Variants in ATP10B observed in about 807,000 individuals in gnomAD.
ATP10B encodes the protein phospholipid-transporting ATPase VB.
A neutral mutation model predicts 141.2 loss-of-function variants in ATP10B; 122 were observed. That is an observed-to-expected ratio of 0.86 (90% CI 0.75 to 1.00). The LOEUF (loss-of-function observed/expected upper bound fraction) is 1.00. Ranked by LOEUF, ATP10B falls within the 50% of genes least tolerant of loss-of-function variation. The pLI is 0.00. For missense variants in ATP10B, 1,876 were observed against 1,825.3 expected (o/e 1.03, Z -0.51); for synonymous variants, 685 against 692.0 (o/e 0.99, Z 0.16).
At chr5:160,842,413 C>T (rs1775863748) in intron 1 of ATP10B, among the ~76,000 whole-genome samples, 1 of 151,496 alleles carries the variant, frequency 6.6e-6, no homozygotes, top group African/African-American at 2.4e-5. Flanking sequence ...GTATATTTTA[C>T]AAGAAGATAA....
intron 7 of ATP10B, among the ~76,000 whole-genome samples, chr5:160,660,608 T>G (rs1761842076): frequency 6.6e-6 from 1 of 152,206 alleles, no homozygotes; most frequent in Non-Finnish European, 1.5e-5. Flanking sequence ...AAATTTTTCC[T>G]TATAAACCAA....
chr5:160,818,906 A>G (rs569823825), intron 1 of ATP10B, among the ~76,000 whole-genome samples: 6 of 152,174 alleles, frequency 3.9e-5, no homozygotes, highest in Non-Finnish European at 8.8e-5. Context: ...AGGACAAAAA[A>G]CCAAATACCA....
In ATP10B at chr5:160,775,526, G is replaced by A. The variant is rs191853668; in HGVS notation, c.-331+10033C>T. Among the ~76,000 whole-genome samples, 9 of 152,138 alleles carry A rather than the reference G, an allele frequency of 5.9e-5. No homozygotes were observed. In the East Asian group the frequency reaches 1.5e-3, roughly 26 times the overall value. ...GACTACAGCACTGACATAACTTTTT[G>A]TTCTATCTCCAATCCCAGTCTCAAG... On this transcript the variant is annotated intron_variant, in intron 2 of 25. Coordinates refer to ENST00000327245, the MANE Select transcript of ATP10B (RefSeq NM_025153.3).
At chr5:160,844,327 T>TAA (rs1466854384) in intron 1 of ATP10B, among the ~76,000 whole-genome samples, 2 of 152,166 alleles carry the variant, frequency 1.3e-5, no homozygotes, top group Non-Finnish European at 2.9e-5. Context: ...AAAATGTACG[T>TAA]AAGTTGTGGT....
the ATP10B span, among the ~76,000 whole-genome samples, chr5:160,915,771 C>T: frequency 6.6e-6 from 1 of 152,124 alleles, no homozygotes; most frequent in East Asian, 1.9e-4. Context: ...TTTAGAGCCA[C>T]CATGGTGGGC....
chr5:160,904,735 T>C, the ATP10B span, among the ~76,000 whole-genome samples: 1 of 152,306 alleles, frequency 6.6e-6, no homozygotes, highest in African/African-American at 2.4e-5. Flanking sequence ...ATTATAATCA[T>C]AGGAACGTGG....
At chr5:160,842,964 G>T (rs1418723016) in intron 1 of ATP10B, among the ~76,000 whole-genome samples, 1 of 152,014 alleles carries the variant, frequency 6.6e-6, no homozygotes, top group African/African-American at 2.4e-5. Context: ...GCAGAGCATT[G>T]ATACCAAAAG....
At chr5:160,732,058 C>G (rs1444398186) in intron 2 of ATP10B, among the ~76,000 whole-genome samples, 2 of 151,958 alleles carry the variant, frequency 1.3e-5, no homozygotes, top group Non-Finnish European at 2.9e-5. Context: ...AAAAAGTGAC[C>G]TAGATGTTGG....
At chr5:160,759,057 C>G (rs992287632) in intron 2 of ATP10B, among the ~76,000 whole-genome samples, 5 of 151,822 alleles carry the variant, frequency 3.3e-5, no homozygotes, top group Admixed American at 6.6e-5. Context: ...ACACAATCCA[C>G]AAAAAAATAT....
the ATP10B span, among the ~76,000 whole-genome samples, chr5:160,892,908 G>A: frequency 6.6e-6 from 1 of 152,206 alleles, no homozygotes; most frequent in Non-Finnish European, 1.5e-5. Flanking sequence ...AGCCAAAGCA[G>A]GGTGAGATGT....
intron 6 of ATP10B, among the ~76,000 whole-genome samples, chr5:160,682,047 T>C (rs1184384137): frequency 6.6e-6 from 1 of 152,216 alleles, no homozygotes; most frequent in Non-Finnish European, 1.5e-5. Flanking sequence ...AGTCCATGAG[T>C]AATACTGCTT....
At chr5:160,830,454 AAT>A (rs1176919203) in intron 1 of ATP10B, among the ~76,000 whole-genome samples, 1 of 152,108 alleles carries the variant, frequency 6.6e-6, no homozygotes, top group Non-Finnish European at 1.5e-5. Flanking sequence ...GGCAAATTGT[AAT>A]AGTGACACCA....
intron 13 of ATP10B, among the ~76,000 whole-genome samples, chr5:160,625,481 T>A (rs1414518669): frequency 1.3e-5 from 2 of 152,200 alleles, no homozygotes; most frequent in Non-Finnish European, 2.9e-5. Context: ...GGTACCCAAG[T>A]TGAGGAACAA....
chr5:160,841,884 C>CCA (rs1462792167), intron 1 of ATP10B, among the ~76,000 whole-genome samples: 1 of 152,120 alleles, frequency 6.6e-6, no homozygotes, highest in Non-Finnish European at 1.5e-5. Flanking sequence ...GCCACCATGC[C>CCA]CAGCTAATTT....
intron 7 of ATP10B, 32 bp downstream of exon 7, chr5:160,670,431 T>G: frequency 6.2e-7 from 1 of 1,609,644 alleles, no homozygotes; most frequent in South Asian, 1.1e-5. Flanking sequence ...TTTCTATGAC[T>G]TTACCATTGA....
At chr5:160,742,205 G>A (rs901829734) in intron 2 of ATP10B, among the ~76,000 whole-genome samples, 9 of 152,136 alleles carry the variant, frequency 5.9e-5, no homozygotes, top group Non-Finnish European at 1.3e-4. Context: ...AAATATGTGA[G>A]GTGACAAATG....
intron 2 of ATP10B, among the ~76,000 whole-genome samples, chr5:160,784,401 T>G (rs573497044): frequency 6.6e-6 from 1 of 152,340 alleles, no homozygotes; most frequent in South Asian, 2.1e-4. Context: ...TAGCTTTTCT[T>G]TTCCTGTTGA....
chr5:160,667,669 A>C (rs1335527552), intron 7 of ATP10B, among the ~76,000 whole-genome samples: 1 of 152,190 alleles, frequency 6.6e-6, no homozygotes, highest in Non-Finnish European at 1.5e-5. Flanking sequence ...GGAGAGACTC[A>C]TTAAATAGGC....
chr5:160,812,126 T>C (rs999205970), intron 1 of ATP10B, among the ~76,000 whole-genome samples: 5 of 151,998 alleles, frequency 3.3e-5, no homozygotes, highest in Non-Finnish European at 7.4e-5. Context: ...TTCTGCCTTG[T>C]AATCCAGAAA....
Sources: gnomAD v4.1 joint callset for allele counts (sites outside exome capture counted in the v4.1 genomes callset) on GRCh38, gnomAD v4.1.1 for gene constraint, MANE v1.5 for transcripts, NCBI Gene and HGNC (gene_info 2026-07-23, HGNC 2026-07-21) for gene names.